CAMK1D: variants seen among roughly 807,000 people sequenced by gnomAD.
CAMK1D encodes the protein calcium/calmodulin-dependent protein kinase type 1D.
Under a neutral mutation model 47.7 loss-of-function variants are expected in CAMK1D, and 9 were observed. The ratio of observed to expected loss-of-function variants is 0.19; its 90% confidence interval spans 0.11 to 0.33. The LOEUF is 0.33. CAMK1D is among the 10% of genes least tolerant of loss of function. The pLI, the probability that CAMK1D is intolerant of heterozygous loss-of-function variation, is 1.00. For synonymous variants in CAMK1D, 184 were observed against 184.9 expected, an observed-to-expected ratio of 0.99 and a Z score of 0.04; for missense variants, 291 against 488.7, an observed-to-expected ratio of 0.60 and a Z score of 3.81.
intron 1 of CAMK1D, among the ~76,000 whole-genome samples, chr10:12,540,802 G>T (rs945261121): frequency 7.2e-5 from 11 of 152,124 alleles, no homozygotes; most frequent in African/African-American, 2.2e-4. Flanking sequence ...GTAAGAAAGC[G>T]TAACTATTTT....
chr10:12,604,851 C>G (rs1838403012), intron 2 of CAMK1D, among the ~76,000 whole-genome samples: 1 of 151,956 alleles, frequency 6.6e-6, no homozygotes, highest in Non-Finnish European at 1.5e-5. Flanking sequence ...TGCCATGGAA[C>G]CTCACTTTGG....
Position 12,520,482 on chromosome 10 carries a change from C to T in CAMK1D, c.93-32743C>T, listed in dbSNP as rs1455829635. Reference sequence around the variant, plus strand: ...GCAGAGGGGCTCCTCACCTCCCAGACGATGGGCGGCCAGGCAGAGACGCTC... The same window carrying T: ...GCAGAGGGGCTCCTCACCTCCCAGATGATGGGCGGCCAGGCAGAGACGCTC... On this transcript the variant is annotated intron_variant, in intron 1 of 10. Transcript: ENST00000619168. Among the ~76,000 whole-genome samples, 7 of 53,726 alleles carry T rather than the reference C, an allele frequency of 1.3e-4. 1 individual carries two copies. Among genetic ancestry groups the T allele is most frequent in the Admixed American group, 3.9e-4 (2 of 5,138 alleles). 35.2% of individuals were successfully genotyped at this position (53,726 alleles called of 152,430 possible).
At chr10:12,554,133 C>T (rs896758702) in intron 2 of CAMK1D, among the ~76,000 whole-genome samples, 6 of 151,188 alleles carry the variant, frequency 4.0e-5, no homozygotes, top group South Asian at 2.1e-4. Flanking sequence ...CCTCCCCACT[C>T]CCCTCCCCTT....
intron 10 of CAMK1D, 68 bp from the exon 11 acceptor site, chr10:12,828,701 T>A: frequency 1.8e-4 from 202 of 1,144,908 alleles, no homozygotes; most frequent in Middle Eastern, 4.3e-4. Context: ...CTCTGACACC[T>A]GGCAGTGGGA....
chr10:12,719,624 A>C lies in CAMK1D; in HGVS notation c.300-41324A>C, dbSNP rs147662812. 4.3e-4 allele frequency among the ~76,000 whole-genome samples: 66 copies of C among 152,176 alleles called. 1 individual carries two copies. The highest frequency in any genetic ancestry group is 3.4e-3 in the Middle Eastern group (1 of 294). On this transcript the variant is annotated intron_variant, in intron 3 of 10. Coordinates refer to ENST00000619168, the MANE Select transcript of CAMK1D (RefSeq NM_153498.4). ...CTTTTTAGGGTTAGAGCCACTTTGCACTAACCTTTCCACTGACAGAACCAC... is the reference window on the plus strand; with the variant it reads ...CTTTTTAGGGTTAGAGCCACTTTGCCCTAACCTTTCCACTGACAGAACCAC...
intron 3 of CAMK1D, among the ~76,000 whole-genome samples, chr10:12,738,604 G>A (rs919776929): frequency 4.6e-5 from 7 of 151,520 alleles, no homozygotes; most frequent in Admixed American, 2.0e-4. Flanking sequence ...AGGCTGAGGC[G>A]GGCGTATCAC....
intron 1 of CAMK1D, among the ~76,000 whole-genome samples, chr10:12,375,795 T>G (rs2131864232): frequency 6.6e-6 from 1 of 152,260 alleles, no homozygotes; most frequent in South Asian, 2.1e-4. Flanking sequence ...TTTGGCGTTT[T>G]TCATTTTTTA....
In CAMK1D at chr10:12,349,758, GC is replaced by G; in HGVS notation, c.-56del. Reference sequence around the variant, plus strand: ...CCCGCCGCCTCTGCGCCCGCGCCGCGCCCCCGGCGCCCCCTCCCCAGCGCGC... The same window carrying G: ...CCCGCCGCCTCTGCGCCCGCGCCGCGCCCCGGCGCCCCCTCCCCAGCGCGC... On this transcript the variant is annotated 5_prime_UTR_variant, in exon 1 of 11. Coordinates refer to ENST00000619168, the MANE Select transcript of CAMK1D (RefSeq NM_153498.4). 1.4e-5 allele frequency: 10 copies of G among 711,624 alleles called. No individual in the cohort carries two copies. Among genetic ancestry groups the G allele is most frequent in the East Asian group, 1.1e-4 (1 of 9,504 alleles). The allele number at this position is 711,624 out of a possible 1,614,324, so 44.1% of individuals were successfully genotyped here. A position where few individuals can be genotyped will look rare whatever the true frequency, so the allele number is the denominator to read the frequency against.
intron 2 of CAMK1D, among the ~76,000 whole-genome samples, chr10:12,588,866 A>ATGTGTGTGTG (rs61703961): frequency 1.4e-5 from 2 of 144,284 alleles, no homozygotes; most frequent in African/African-American, 2.8e-5. Context: ...ATATGTATAT[A>ATGTGTGTGTG]TGTGTGTGTG....
At chr10:12,430,785 G>C (rs1832446762) in intron 1 of CAMK1D, among the ~76,000 whole-genome samples, 1 of 152,128 alleles carries the variant, frequency 6.6e-6, no homozygotes, top group African/African-American at 2.4e-5. Context: ...GGGTCTTGCT[G>C]TGTGGCCCCG....
chr10:12,408,547 G>A (rs948341024), intron 1 of CAMK1D, among the ~76,000 whole-genome samples: 4 of 152,134 alleles, frequency 2.6e-5, no homozygotes, highest in African/African-American at 9.7e-5. Flanking sequence ...TGAAAATATT[G>A]GAACCAAAGG....
At chr10:12,507,391 G>A (rs1445546115) in intron 1 of CAMK1D, among the ~76,000 whole-genome samples, 1 of 152,186 alleles carries the variant, frequency 6.6e-6, no homozygotes, top group Admixed American at 6.5e-5. Flanking sequence ...CAGCAGGGAA[G>A]CACCCTTTTT....
Position 12,384,237 on chromosome 10 carries a change from C to T in CAMK1D, c.92+34327C>T, listed in dbSNP as rs77058084. On this transcript the variant is annotated intron_variant, in intron 1 of 10. Transcript: ENST00000619168. Reference sequence around the variant, plus strand: ...AAATAAATGGAAAGACGTCCTGTGTCTATGGATTGGAAGACTTAATGTTGT... The same window carrying T: ...AAATAAATGGAAAGACGTCCTGTGTTTATGGATTGGAAGACTTAATGTTGT... 4.7e-3 allele frequency among the ~76,000 whole-genome samples: 719 copies of T among 152,304 alleles called. 5 individuals are homozygous for T. The highest frequency in any genetic ancestry group is 0.016 in the African/African-American group (684 of 41,570).
chr10:12,472,862 G>A (rs564053549), intron 1 of CAMK1D, among the ~76,000 whole-genome samples: 49 of 152,250 alleles, frequency 3.2e-4, no homozygotes, highest in African/African-American at 1.1e-3. Context: ...TATATGCAGG[G>A]CCCTTAACTT....
intron 3 of CAMK1D, among the ~76,000 whole-genome samples, chr10:12,727,062 G>T (rs529218168): frequency 2.0e-5 from 3 of 152,240 alleles, no homozygotes; most frequent in Non-Finnish European, 4.4e-5. Flanking sequence ...CCCAGGGCCT[G>T]TGTAGCATGC....
chr10:12,796,725 G>A (rs541642081), intron 6 of CAMK1D, among the ~76,000 whole-genome samples: 9 of 152,222 alleles, frequency 5.9e-5, no homozygotes, highest in East Asian at 1.9e-4. Context: ...GGCAACAGTC[G>A]CCTGCTTATA....
intron 2 of CAMK1D, among the ~76,000 whole-genome samples, chr10:12,579,275 T>C (rs981307262): frequency 1.3e-5 from 2 of 152,208 alleles, no homozygotes; most frequent in African/African-American, 4.8e-5. Flanking sequence ...GAGTCCTGCA[T>C]AGCATTCCTC....
At chr10:12,430,310 G>A (rs574037631) in intron 1 of CAMK1D, among the ~76,000 whole-genome samples, 120 of 152,266 alleles carry the variant, frequency 7.9e-4, no homozygotes, top group African/African-American at 2.7e-3. Flanking sequence ...CCGCTCTCCC[G>A]GAGAGCACAG....
chr10:12,531,313 C>G (rs1006243565), intron 1 of CAMK1D, among the ~76,000 whole-genome samples: 2 of 152,174 alleles, frequency 1.3e-5, no homozygotes, highest in Non-Finnish European at 2.9e-5. Context: ...AGGCACACAG[C>G]AAGGCTGGCT....
Sources: gnomAD v4.1 joint callset for allele counts (sites outside exome capture counted in the v4.1 genomes callset) on GRCh38, gnomAD v4.1.1 for gene constraint, MANE v1.5 for transcripts, NCBI Gene and HGNC (gene_info 2026-07-23, HGNC 2026-07-21) for gene names.